The following CHRNA7 variants were observed in gnomAD, a reference collection of about 807,000 sequenced individuals.
CHRNA7 encodes cholinergic receptor nicotinic alpha 7 subunit.
A neutral mutation model predicts 48.0 loss-of-function variants in CHRNA7; 17 were observed. The observed-to-expected ratio is 0.35, with a 90% CI of 0.24 to 0.53. CHRNA7 has a LOEUF of 0.53. CHRNA7 is among the 20% of genes least tolerant of loss of function. The probability of loss-of-function intolerance (pLI) is 0.92; values close to 1 mark genes in which losing one functional copy is unlikely to be tolerated. For synonymous variants in CHRNA7, 75 were observed against 242.3 expected (o/e 0.31, Z 6.41); for missense variants, 155 against 577.7 (o/e 0.27, Z 7.50).
intron 4 of CHRNA7, among the ~76,000 whole-genome samples, chr15:32,148,006 A>G (rs1299589821): frequency 2.6e-5 from 4 of 152,144 alleles, no homozygotes; most frequent in African/African-American, 9.7e-5. Context: ...GATGAGCATC[A>G]TCCTTCCTCC....
At chr15:32,058,696 C>T (rs772523192) in intron 2 of CHRNA7, among the ~76,000 whole-genome samples, 2 of 152,054 alleles carry the variant, frequency 1.3e-5, no homozygotes, top group Non-Finnish European at 2.9e-5. Context: ...TAGTTTCCTC[C>T]TTACTTTATT....
At chr15:32,090,018 T>C (rs1006147641) in intron 2 of CHRNA7, among the ~76,000 whole-genome samples, 1 of 152,122 alleles carries the variant, frequency 6.6e-6, no homozygotes, top group Non-Finnish European at 1.5e-5. Flanking sequence ...TGGACCCCTG[T>C]TGGTGGGGTG....
At chr15:32,148,987 A>C (rs1317007958) in intron 4 of CHRNA7, among the ~76,000 whole-genome samples, 1 of 152,254 alleles carries the variant, frequency 6.6e-6, no homozygotes, top group African/African-American at 2.4e-5. Flanking sequence ...TGTTTGAGTT[A>C]CATTTGCCCC....
At chr15:32,053,326 G>C (rs1309736344) in intron 2 of CHRNA7, among the ~76,000 whole-genome samples, 2 of 152,186 alleles carry the variant, frequency 1.3e-5, no homozygotes, top group Non-Finnish European at 2.9e-5. Flanking sequence ...ATGGAGGAAG[G>C]CCAACGAAAA....
chr15:32,121,781 A>G (rs555491919), intron 4 of CHRNA7, among the ~76,000 whole-genome samples: 1 of 152,284 alleles, frequency 6.6e-6, no homozygotes, highest in Non-Finnish European at 1.5e-5. Context: ...GTTAGGTCAT[A>G]TGGCACAGGG....
chr15:32,041,736 T>C lies in CHRNA7; in HGVS notation c.195+10699T>C, dbSNP rs117945333. The stretch of plus-strand genomic sequence containing the variant: ...TGCTTTTCAGTTTTCAAAATTTCGA[T>C]TGATATTCCTCATACTAGGGATTCT... On this transcript the variant is annotated intron_variant, in intron 2 of 9. Coordinates refer to ENST00000306901, the MANE Select transcript of CHRNA7 (RefSeq NM_000746.6). Among the ~76,000 whole-genome samples, 594 of 152,396 alleles carry C rather than the reference T, an allele frequency of 3.9e-3. 2 individuals are homozygous for C. The highest frequency in any genetic ancestry group is 5.9e-3 in the Admixed American group (90 of 15,312).
intron 4 of CHRNA7, among the ~76,000 whole-genome samples, chr15:32,134,288 A>T (rs893305066): frequency 6.6e-6 from 1 of 151,976 alleles, no homozygotes; most frequent in African/African-American, 2.4e-5. Context: ...CCTCCTGAGT[A>T]GCTGGGATTA....
chr15:32,105,502 A>AAGG (rs916546564), intron 3 of CHRNA7, among the ~76,000 whole-genome samples: 7 of 148,590 alleles, frequency 4.7e-5, no homozygotes, highest in African/African-American at 1.0e-4. Context: ...GAGAGGAGGA[A>AAGG]AGGAGGAGGA....
chr15:32,057,733 T>A (rs745515419), intron 2 of CHRNA7, among the ~76,000 whole-genome samples: 2 of 152,176 alleles, frequency 1.3e-5, no homozygotes, highest in Non-Finnish European at 2.9e-5. Context: ...GCCTAAAATA[T>A]CTGTAGGTTA....
At chr15:32,155,964 GTTTATTT>G (rs1226091392) in intron 5 of CHRNA7, 1 of 86,800 alleles carries the variant, frequency 1.2e-5, no homozygotes, top group African/African-American at 4.9e-5. Context: ...CATTTCATGT[GTTTATTT>G]TTTAACAGCT....
chr15:32,062,635 T>C (rs2049897912), intron 2 of CHRNA7, among the ~76,000 whole-genome samples: 1 of 152,186 alleles, frequency 6.6e-6, no homozygotes, highest in Admixed American at 6.5e-5. Context: ...ATATTTTCTT[T>C]TATGATTGCC....
At chr15:32,037,163 G>A (rs72713531) in intron 2 of CHRNA7, among the ~76,000 whole-genome samples, 10,570 of 152,204 alleles carry the variant, frequency 0.069, 455 homozygotes, top group East Asian at 0.13. Flanking sequence ...TCCAGTTGTT[G>A]TAGCACCATT....
rs769769889 is a variant in CHRNA7, at chr15:32,149,055, C to A, written c.351-4852C>A. On this transcript the variant is annotated intron_variant, in intron 4 of 9. Transcript: ENST00000306901. The surrounding 1 kb of genome is among the most constrained non-coding windows in gnomAD (Gnocchi z 4.6). ...GAGCTCTCCTCACACCAAGAGTGGG[C>A]CCCAGTCATTGCTGGCTGGGGGAGG... Among the ~76,000 whole-genome samples the A allele has an allele frequency of 2.6e-5, 4 of 152,148 alleles. No homozygotes were observed.
chr15:32,090,952 G>A (rs2050373029), intron 2 of CHRNA7, among the ~76,000 whole-genome samples: 1 of 151,908 alleles, frequency 6.6e-6, no homozygotes, highest in Non-Finnish European at 1.5e-5. Context: ...TACATTTTAG[G>A]TCATTTTGTT....
In CHRNA7 at chr15:32,084,174, C is replaced by T. The variant is rs149449545; in HGVS notation, c.196-17129C>T. ...TGGAACTCGCTATTTATAAATTTTA[C>T]AGAAAAACAAACATGTTGGAAAACT... On this transcript the variant is annotated intron_variant, in intron 2 of 9. Transcript: ENST00000306901. 8.4e-3 allele frequency among the ~76,000 whole-genome samples: 1,281 copies of T among 152,180 alleles called. 22 individuals are homozygous for T. The highest frequency in any genetic ancestry group is 0.029 in the African/African-American group (1,207 of 41,534).
At chr15:32,120,086 T>G (rs1213783658) in intron 4 of CHRNA7, among the ~76,000 whole-genome samples, 2 of 152,218 alleles carry the variant, frequency 1.3e-5, no homozygotes, top group Non-Finnish European at 2.9e-5. Flanking sequence ...TGTGGCTTTA[T>G]GCCTTCTTTC....
intron 2 of CHRNA7, among the ~76,000 whole-genome samples, chr15:32,058,729 A>G (rs527600751): frequency 6.6e-6 from 1 of 152,258 alleles, no homozygotes; most frequent in South Asian, 2.1e-4. Flanking sequence ...AAATCTGGAA[A>G]GGGCTGTGGG....
At chr15:32,077,856 TAAC>T (rs1279942840) in intron 2 of CHRNA7, among the ~76,000 whole-genome samples, 1 of 152,118 alleles carries the variant, frequency 6.6e-6, no homozygotes, top group African/African-American at 2.4e-5. Context: ...AGGCTCTTTT[TAAC>T]AACTAGCACT....
At chr15:32,030,853 C>A (rs1019791032) in intron 1 of CHRNA7, 45 bp from the exon 2 acceptor site, 3 of 1,596,332 alleles carry the variant, frequency 1.9e-6, no homozygotes, top group Non-Finnish European at 2.6e-6. Context: ...GGGGTACCCC[C>A]GCCGGCCTGC....
Sources: allele counts gnomAD v4.1 joint callset (sites outside exome capture counted in the v4.1 genomes callset), GRCh38; gene constraint gnomAD v4.1.1; non-coding constraint Gnocchi (gnomAD v3.1); transcripts MANE v1.5; gene names NCBI Gene and HGNC (gene_info 2026-07-23, HGNC 2026-07-21).